The following GNA15 variants were observed in gnomAD, a reference collection of about 807,000 sequenced individuals.
GNA15 encodes guanine nucleotide-binding protein subunit alpha-15.
Under a neutral mutation model 40.1 loss-of-function variants are expected in GNA15, and 23 were observed. That is an observed-to-expected ratio of 0.57 (90% CI 0.41 to 0.81). The LOEUF (loss-of-function observed/expected upper bound fraction) is 0.81. Ranked by LOEUF, GNA15 falls within the 40% of genes least tolerant of loss-of-function variation. GNA15 has a pLI of 0.00. For synonymous variants in GNA15, 226 were observed against 210.4 expected, an observed-to-expected ratio of 1.07 and a Z score of -0.64; for missense variants, 522 against 515.8, an observed-to-expected ratio of 1.01 and a Z score of -0.12.
At chr19:3,161,083 CAG>C (rs1315573788) in intron 6 of GNA15, among the ~76,000 whole-genome samples, 17 of 152,048 alleles carry the variant, frequency 1.1e-4, no homozygotes, top group African/African-American at 3.9e-4. Context: ...GCTGGGACTA[CAG>C]GCGCACACCA....
At chr19:3,152,293 A>T (rs781293548) in intron 4 of GNA15, among the ~76,000 whole-genome samples, 40 of 152,244 alleles carry the variant, frequency 2.6e-4, no homozygotes, top group Non-Finnish European at 4.9e-4. Flanking sequence ...AGGAGGAGCC[A>T]GGACAGCGGG....
At chr19:3,138,577 C>T (rs1914505381) in intron 1 of GNA15, among the ~76,000 whole-genome samples, 1 of 152,130 alleles carries the variant, frequency 6.6e-6, no homozygotes, top group Non-Finnish European at 1.5e-5. Context: ...TGGTGGGGAC[C>T]CCCAGGAACT....
At chr19:3,157,130 T>C (rs1461728175) in intron 5 of GNA15, among the ~76,000 whole-genome samples, 2 of 152,134 alleles carry the variant, frequency 1.3e-5, no homozygotes, top group East Asian at 3.9e-4. Flanking sequence ...CCCGAGTAGC[T>C]GGGTTTACAG....
chr19:3,140,429 G>A (rs559084466), intron 1 of GNA15, among the ~76,000 whole-genome samples: 27 of 152,086 alleles, frequency 1.8e-4, no homozygotes, highest in African/African-American at 6.3e-4. Flanking sequence ...AATACCTCAA[G>A]GTCATTTATC....
At chr19:3,150,434 C>T (rs1420606933) in intron 3 of GNA15, 149 bp downstream of exon 3, 2 of 675,416 alleles carry the variant, frequency 3.0e-6, no homozygotes, top group Non-Finnish European at 4.8e-6. Context: ...CAGGGGGACC[C>T]TAATTCCCGG....
intron 3 of GNA15, among the ~76,000 whole-genome samples, chr19:3,150,500 C>T (rs1914854887): frequency 2.0e-5 from 3 of 152,060 alleles, no homozygotes; most frequent in Non-Finnish European, 4.4e-5. Context: ...CATGGAATGA[C>T]CTTGTTCCTG....
chr19:3,163,144 G>A lies in GNA15; in HGVS notation c.*125G>A, dbSNP rs1028360968. ...CCCACACGCAAGGGAGTCGGGGGAC[G>A]GACGGCCCGCTGCTGGCCGCTCTCT... On this transcript the variant is annotated 3_prime_UTR_variant, in exon 7 of 7. Coordinates refer to ENST00000262958, the MANE Select transcript of GNA15 (RefSeq NM_002068.4). 1.2e-5 allele frequency: 8 copies of A among 659,942 alleles called. No individual in the cohort carries two copies. The highest frequency in any genetic ancestry group is 2.4e-5 in the Admixed American group (1 of 42,388). 40.9% of individuals were successfully genotyped at this position (659,942 alleles called of 1,614,324 possible). A position where few individuals can be genotyped will look rare whatever the true frequency, so the allele number is the denominator to read the frequency against.
intron 1 of GNA15, among the ~76,000 whole-genome samples, chr19:3,145,359 A>ATATATATATATATATATATATATTTT: frequency 4.3e-5 from 2 of 46,966 alleles, no homozygotes; most frequent in Non-Finnish European, 3.9e-5. Flanking sequence ...ATATATATAT[A>ATATATATATATATATATATATATTTT]TTTTTTTTTT....
chr19:3,139,635 C>T (rs1212809772), intron 1 of GNA15, among the ~76,000 whole-genome samples: 2 of 149,986 alleles, frequency 1.3e-5, no homozygotes, highest in African/African-American at 2.5e-5. Flanking sequence ...TGCAGTGGCT[C>T]ATGCCTGTAA....
rs1421932938 is a variant in GNA15, at chr19:3,148,754, A to T, written c.309A>T (p.Pro103=). ...MIEAMERLQI[P]FSRPESKHHA... is the part of the protein sequence containing the mutation. ...AGGCCATGGAGCGGCTGCAGATTCC[A>T]TTCAGCAGGCCCGAGAGCAAGGTGA... Residue 103 remains proline (P), a synonymous_variant, in exon 2 of 7, where the codon CCA becomes CCT. Coordinates refer to ENST00000262958, the MANE Select transcript of GNA15 (RefSeq NM_002068.4). The T allele has an allele frequency of 6.9e-6, 11 of 1,601,522 alleles. No individual in the cohort carries two copies. The East Asian group carries it at 2.3e-4, about 33-fold the overall frequency.
intron 1 of GNA15, among the ~76,000 whole-genome samples, chr19:3,147,749 T>C (rs1405115164): frequency 6.7e-6 from 1 of 149,770 alleles, no homozygotes; most frequent in Non-Finnish European, 1.5e-5. Flanking sequence ...TAGCCGGGCG[T>C]GGTGGCGGGT....
At chr19:3,145,093 T>G (rs1035467030) in intron 1 of GNA15, among the ~76,000 whole-genome samples, 4 of 151,894 alleles carry the variant, frequency 2.6e-5, no homozygotes, top group African/African-American at 4.8e-5. Flanking sequence ...GACCTGGTGA[T>G]CTGCCTGCCT....
chr19:3,154,162 GGGATGGATGGAT>G (rs148392439), intron 4 of GNA15, among the ~76,000 whole-genome samples: 22,481 of 137,990 alleles, frequency 0.16, 2,199 homozygotes, highest in Non-Finnish European at 0.2. Flanking sequence ...ATGGATGGGT[GGGATGGATGGAT>G]GGATGGATGG....
chr19:3,148,692 T>C lies in GNA15; in HGVS notation c.247T>C (p.Tyr83His), dbSNP rs760394355. Reference sequence around the variant, plus strand: ...GCGCAAGGGCTTCCGGCCCCTGGTCTACCAGAACATCTTCGTGTCCATGCG... The same window carrying C: ...GCGCAAGGGCTTCCGGCCCCTGGTCCACCAGAACATCTTCGTGTCCATGCG... ...EERKGFRPLVYQNIFVSMRAM... is the reference protein window; with the variant it reads ...EERKGFRPLVHQNIFVSMRAM... The change falls in exon 2 of 7, where the codon TAC becomes CAC. Residue 83 changes from tyrosine (Y) to histidine (H), a missense_variant. By Grantham distance (83) the Tyr-to-His change is moderately conservative (BLOSUM62 2). Transcript: ENST00000262958. The C allele has an allele frequency of 1.7e-5, 28 of 1,600,506 alleles. No homozygotes were observed. The highest frequency in any genetic ancestry group is 2.2e-5 in the Non-Finnish European group (26 of 1,174,150).
intron 5 of GNA15, among the ~76,000 whole-genome samples, chr19:3,157,246 G>A (rs149515348): frequency 0.011 from 1,637 of 152,154 alleles, 33 homozygotes; most frequent in African/African-American, 0.037. Flanking sequence ...TGATCTGCCC[G>A]CCTTGGCCTC....
At chr19:3,148,431 G>T (rs1914786520) in intron 1 of GNA15, among the ~76,000 whole-genome samples, 160 bp from the exon 2 acceptor site, 2 of 151,914 alleles carry the variant, frequency 1.3e-5, no homozygotes, top group South Asian at 2.1e-4. Flanking sequence ...GCACAGAGCG[G>T]CAAAGCCGCT....
chr19:3,156,392 C>T (rs1355810237), intron 5 of GNA15, among the ~76,000 whole-genome samples: 2 of 151,770 alleles, frequency 1.3e-5, no homozygotes, highest in East Asian at 1.9e-4. Context: ...GCACAATACA[C>T]GCATATGTAC....
intron 4 of GNA15, among the ~76,000 whole-genome samples, chr19:3,152,560 C>CACCCTA (rs1199159087): frequency 6.6e-6 from 1 of 152,094 alleles, no homozygotes; most frequent in Non-Finnish European, 1.5e-5. Context: ...GCCAGTGCAG[C>CACCCTA]ACCCTAACCC....
Position 3,155,895 on chromosome 19 carries a change from C to T in GNA15, c.687C>T (p.Leu229=), listed in dbSNP as rs1915002372. The T allele has an allele frequency of 1.2e-6, 2 of 1,613,778 alleles. No individual in the cohort carries two copies. Among genetic ancestry groups the T allele is most frequent in the Admixed American group, 1.7e-5 (1 of 59,986 alleles). ...ATTGTTTCGAGAACGTGATCGCCCT[C>T]ATCTACCTGGCCTCACTGAGTGAAT... is the stretch of plus-strand genomic sequence containing the variant. ...WIHCFENVIA[L]IYLASLSEYD... The change falls in exon 5 of 7, where the codon CTC becomes CTT. Residue 229 remains leucine (L), a synonymous_variant. Transcript: ENST00000262958. The surrounding 1 kb of genome is among the most constrained non-coding windows in gnomAD (Gnocchi z 5.6).
Sources: allele counts gnomAD v4.1 joint callset (sites outside exome capture counted in the v4.1 genomes callset), GRCh38; gene constraint gnomAD v4.1.1; non-coding constraint Gnocchi (gnomAD v3.1); transcripts MANE v1.5; gene names NCBI Gene and HGNC (gene_info 2026-07-23, HGNC 2026-07-21).